The following LY86 variants were observed in gnomAD, a reference collection of about 807,000 sequenced individuals.
The protein encoded by LY86 is MD-1, RP105-associated.
LY86 carries 20 observed loss-of-function variants against 17.3 expected under a neutral mutation model. The observed-to-expected ratio is 1.15, with a 90% CI of 0.81 to 1.68. The LOEUF is 1.68. Ranked by LOEUF, LY86 falls within the 40% of genes most tolerant of loss-of-function variation. The pLI, the probability that LY86 is intolerant of heterozygous loss-of-function variation, is 0.00. For synonymous variants in LY86, 74 were observed against 70.6 expected, an observed-to-expected ratio of 1.05 and a Z score of -0.24; for missense variants, 200 against 191.9, an observed-to-expected ratio of 1.04 and a Z score of -0.25.
chr6:6,645,864 T>C (rs1762099216), intron 3 of LY86, among the ~76,000 whole-genome samples: 1 of 151,858 alleles, frequency 6.6e-6, no homozygotes, highest in African/African-American at 2.4e-5. Context: ...AGTCACAGAA[T>C]TGGCAAGAAA....
intron 1 of LY86, among the ~76,000 whole-genome samples, chr6:6,603,406 A>G (rs892683651): frequency 4.6e-5 from 7 of 152,150 alleles, no homozygotes; most frequent in African/African-American, 1.4e-4. Flanking sequence ...CTGTATGGGC[A>G]GTCTTCTTGT....
chr6:6,595,269 GGAGGAT>G (rs1411736721), intron 1 of LY86, among the ~76,000 whole-genome samples: 1 of 145,722 alleles, frequency 6.9e-6, no homozygotes, highest in African/African-American at 2.7e-5. Flanking sequence ...AAGGGGAGGA[GGAGGAT>G]GAGGAAGAGG....
intron 1 of LY86, among the ~76,000 whole-genome samples, chr6:6,595,284 G>T (rs1760664159): frequency 6.7e-6 from 1 of 148,888 alleles, no homozygotes; most frequent in Admixed American, 6.7e-5. Context: ...ATGAGGAAGA[G>T]GTGGGGAAGA....
intron 3 of LY86, among the ~76,000 whole-genome samples, chr6:6,630,167 T>C (rs1761878247): frequency 6.6e-6 from 1 of 152,276 alleles, no homozygotes; most frequent in Non-Finnish European, 1.5e-5. Context: ...AGTGTTACTT[T>C]ATCATTACAG....
rs1038346727 is a variant in LY86 at position 6,601,705 on chromosome 6, G to A, written c.136+12835G>A. 2.6e-5 allele frequency among the ~76,000 whole-genome samples: 4 copies of A among 151,874 alleles called. 1 individual carries two copies. The highest frequency in any genetic ancestry group is 9.7e-5 in the African/African-American group (4 of 41,306). ...ACTGCACTCCAGCCTGGGAGACAGAGTGAGACACTGTCTCGAAAAAAAAAG... is the reference window on the plus strand; with the variant it reads ...ACTGCACTCCAGCCTGGGAGACAGAATGAGACACTGTCTCGAAAAAAAAAG... On this transcript the variant is annotated intron_variant, in intron 1 of 4. Transcript: ENST00000230568.
At chr6:6,633,892 T>TTGTG (rs3840175) in intron 3 of LY86, among the ~76,000 whole-genome samples, 46,459 of 151,730 alleles carry the variant, frequency 0.31, 7,198 homozygotes, top group South Asian at 0.42. Flanking sequence ...GTTAAATAAA[T>TTGTG]TGTGTGTGTG....
intron 4 of LY86, among the ~76,000 whole-genome samples, chr6:6,652,125 C>A (rs1273333145): frequency 6.7e-6 from 1 of 150,182 alleles, no homozygotes; most frequent in African/African-American, 2.4e-5. Flanking sequence ...ATTTTAATCA[C>A]CTACAGTGCA....
At position 6,650,643 on chromosome 6, in the gene LY86, A is replaced by G. The variant is rs76553884; in HGVS notation, c.405+966A>G. ...AGAGAATCTTATGGAACAATATGAAAAGGATCACAAAAATGTGATTTTTTA... is the reference window on the plus strand; with the variant it reads ...AGAGAATCTTATGGAACAATATGAAGAGGATCACAAAAATGTGATTTTTTA... On this transcript the variant is annotated intron_variant, in intron 4 of 4. Coordinates refer to ENST00000230568, the MANE Select transcript of LY86 (RefSeq NM_004271.4). Among the ~76,000 whole-genome samples the G allele has an allele frequency of 4.9e-3, 747 of 152,312 alleles. 4 individuals are homozygous for G. Among genetic ancestry groups the G allele is most frequent in the African/African-American group, 0.017 (703 of 41,560 alleles).
chr6:6,620,083 T>C (rs1035108891), intron 1 of LY86, among the ~76,000 whole-genome samples: 2 of 152,028 alleles, frequency 1.3e-5, no homozygotes, highest in African/African-American at 2.4e-5. Flanking sequence ...GAAGACCAAT[T>C]TCTAACCATT....
intron 3 of LY86, among the ~76,000 whole-genome samples, chr6:6,646,395 C>T (rs1334323597): frequency 1.3e-5 from 2 of 152,172 alleles, no homozygotes; most frequent in African/African-American, 4.8e-5. Flanking sequence ...GGCAAGGCAT[C>T]ATCCTTCTTG....
At chr6:6,620,079 C>A (rs1761639408) in intron 1 of LY86, among the ~76,000 whole-genome samples, 1 of 152,082 alleles carries the variant, frequency 6.6e-6, no homozygotes, top group African/African-American at 2.4e-5. Flanking sequence ...GGAGGAAGAC[C>A]AATTTCTAAC....
chr6:6,650,640 GA>G (rs1762174663), intron 4 of LY86, among the ~76,000 whole-genome samples: 1 of 152,280 alleles, frequency 6.6e-6, no homozygotes, highest in African/African-American at 2.4e-5. Context: ...GGAACAATAT[GA>G]AAAGGATCAC....
At chr6:6,635,412 T>G (rs1761946155) in intron 3 of LY86, among the ~76,000 whole-genome samples, 1 of 152,202 alleles carries the variant, frequency 6.6e-6, no homozygotes, top group South Asian at 2.1e-4. Flanking sequence ...GGTCCCTCTT[T>G]CTCTTCCTCT....
chr6:6,605,351 G>A (rs1248265973), intron 1 of LY86, among the ~76,000 whole-genome samples: 1 of 152,224 alleles, frequency 6.6e-6, no homozygotes, highest in Non-Finnish European at 1.5e-5. Flanking sequence ...TGATGAAGTA[G>A]TCAATTCTAG....
chr6:6,606,055 T>G (rs925631338), intron 1 of LY86, among the ~76,000 whole-genome samples: 5 of 152,334 alleles, frequency 3.3e-5, no homozygotes, highest in Admixed American at 2.0e-4. Context: ...AGGTTACTGC[T>G]GCTAGCGCGG....
At chr6:6,603,251 G>A (rs560697283) in intron 1 of LY86, among the ~76,000 whole-genome samples, 63 of 152,158 alleles carry the variant, frequency 4.1e-4, no homozygotes, top group African/African-American at 1.4e-3. Flanking sequence ...ATAAATCTGG[G>A]AGGACACAAA....
At position 6,605,543 on chromosome 6, in the gene LY86, T is replaced by C. The variant is rs142516147; in HGVS notation, c.136+16673T>C. Among the ~76,000 whole-genome samples the C allele has an allele frequency of 8.3e-3, 1,269 of 152,366 alleles. 13 individuals carry two copies. Among genetic ancestry groups the C allele is most frequent in the South Asian group, 0.026 (125 of 4,832 alleles). ...CTCCCCACAACGCTACCCCATAACA[T>C]GGCAACGTGCTTCCCACGGAGTGGG... On this transcript the variant is annotated intron_variant, in intron 1 of 4. Transcript: ENST00000230568.
intron 1 of LY86, among the ~76,000 whole-genome samples, chr6:6,623,550 C>T (rs1761724467): frequency 1.3e-5 from 2 of 152,190 alleles, no homozygotes; most frequent in African/African-American, 2.4e-5. Context: ...TACCGAGAGC[C>T]CAGTGAAAAA....
chr6:6,590,899 A>ACT (rs3840171), intron 1 of LY86, among the ~76,000 whole-genome samples: 111,210 of 151,774 alleles, frequency 0.73, 40,896 homozygotes, highest in Non-Finnish European at 0.77. Flanking sequence ...ATTTGACCTC[A>ACT]CTTTTAAAAA....
Sources: allele counts gnomAD v4.1 joint callset (sites outside exome capture counted in the v4.1 genomes callset), GRCh38; gene constraint gnomAD v4.1.1; transcripts MANE v1.5; gene names NCBI Gene and HGNC (gene_info 2026-07-23, HGNC 2026-07-21).